The following MEIKIN variants were observed in gnomAD, a reference collection of about 807,000 sequenced individuals.
MEIKIN encodes the protein meiotic kinetochore factor.
chr5:131,932,997 G>A (rs971175172), intron 5 of MEIKIN, among the ~76,000 whole-genome samples: 8 of 152,008 alleles, frequency 5.3e-5, no homozygotes, highest in African/African-American at 1.9e-4. Context: ...TTGTCCTTAT[G>A]AGCGTATTAC....
At chr5:131,931,665 T>C (rs1042375036) in intron 5 of MEIKIN, among the ~76,000 whole-genome samples, 2 of 152,192 alleles carry the variant, frequency 1.3e-5, no homozygotes, top group African/African-American at 2.4e-5. Context: ...CCTACTGGCT[T>C]TGATGTGGCT....
At chr5:131,887,501 G>A (rs919930071) in intron 8 of MEIKIN, among the ~76,000 whole-genome samples, 4 of 152,074 alleles carry the variant, frequency 2.6e-5, no homozygotes, top group Non-Finnish European at 5.9e-5. Flanking sequence ...AGCATCTGTT[G>A]TTTCCTGACT....
rs115520246 is a variant in MEIKIN, at chr5:131,822,470, T to C, written c.976-3607A>G. On this transcript the variant is annotated intron_variant, in intron 11 of 12. Coordinates refer to ENST00000442687, the MANE Select transcript of MEIKIN (RefSeq NM_001303622.2). Reference sequence around the variant, plus strand: ...TTTTTGTGTATCTGTTGTATATTTTTTGATTTGAGGTTACCATGAGGCTTG... The same window carrying C: ...TTTTTGTGTATCTGTTGTATATTTTCTGATTTGAGGTTACCATGAGGCTTG... Among the ~76,000 whole-genome samples the C allele has an allele frequency of 5.7e-3, 865 of 152,322 alleles. 6 individuals are homozygous for C. Among genetic ancestry groups the C allele is most frequent in the Non-Finnish European group, 8.9e-3 (605 of 68,026 alleles).
intron 9 of MEIKIN, among the ~76,000 whole-genome samples, chr5:131,856,228 G>A (rs1347835703): frequency 1.3e-5 from 2 of 152,174 alleles, no homozygotes; most frequent in Non-Finnish European, 2.9e-5. Context: ...GGACTGTGAT[G>A]CAAGGGTTAC....
intron 9 of MEIKIN, among the ~76,000 whole-genome samples, chr5:131,860,185 G>A (rs1037773138): frequency 2.6e-5 from 4 of 151,808 alleles, no homozygotes; most frequent in African/African-American, 9.7e-5. Context: ...TGATCCATGA[G>A]CATGAGATGT....
intron 8 of MEIKIN, among the ~76,000 whole-genome samples, chr5:131,898,356 C>CT: frequency 6.6e-6 from 1 of 152,226 alleles, no homozygotes; most frequent in African/African-American, 2.4e-5. Flanking sequence ...TAGAAGGTGT[C>CT]TCCCAGTTAG....
chr5:131,919,328 T>C (rs551262723), intron 6 of MEIKIN, among the ~76,000 whole-genome samples: 2 of 152,282 alleles, frequency 1.3e-5, no homozygotes, highest in South Asian at 4.1e-4. Flanking sequence ...CAATATCCAA[T>C]AAAATGATAT....
intron 5 of MEIKIN, among the ~76,000 whole-genome samples, chr5:131,929,210 T>G (rs1360075276): frequency 6.6e-6 from 1 of 152,250 alleles, no homozygotes; most frequent in Non-Finnish European, 1.5e-5. Flanking sequence ...CACTTTTTAC[T>G]TGCTGCTTTC....
intron 11 of MEIKIN, among the ~76,000 whole-genome samples, chr5:131,847,215 T>C (rs995671610): frequency 1.3e-5 from 2 of 152,148 alleles, no homozygotes; most frequent in African/African-American, 4.8e-5. Flanking sequence ...TATCAGTAAG[T>C]ATTTTAAATA....
chr5:131,828,430 C>T (rs1749651932), intron 11 of MEIKIN, among the ~76,000 whole-genome samples: 1 of 152,110 alleles, frequency 6.6e-6, no homozygotes, highest in Non-Finnish European at 1.5e-5. Flanking sequence ...TCCCAAAGTG[C>T]TGGGATTACA....
At chr5:131,839,880 A>G (rs977784584) in intron 11 of MEIKIN, among the ~76,000 whole-genome samples, 7 of 152,134 alleles carry the variant, frequency 4.6e-5, no homozygotes, top group Non-Finnish European at 5.9e-5. Flanking sequence ...TATGGATTTG[A>G]TCCTGTCATC....
intron 9 of MEIKIN, among the ~76,000 whole-genome samples, chr5:131,869,587 C>CA (rs965047211): frequency 1.9e-4 from 29 of 152,096 alleles, no homozygotes; most frequent in African/African-American, 6.8e-4. Flanking sequence ...AAAACAAAAA[C>CA]AAAAAAACCC....
intron 11 of MEIKIN, among the ~76,000 whole-genome samples, chr5:131,846,947 G>A (rs901176018): frequency 3.9e-5 from 6 of 152,152 alleles, no homozygotes; most frequent in African/African-American, 1.4e-4. Flanking sequence ...ATTCTAATTA[G>A]AGTATCATAA....
At chr5:131,863,316 T>C (rs1463339146) in intron 9 of MEIKIN, among the ~76,000 whole-genome samples, 1 of 152,176 alleles carries the variant, frequency 6.6e-6, no homozygotes, top group Non-Finnish European at 1.5e-5. Context: ...CCATTTGGTC[T>C]AAAGTCCAGT....
intron 5 of MEIKIN, among the ~76,000 whole-genome samples, chr5:131,930,367 C>T (rs1219359065): frequency 2.0e-5 from 3 of 152,070 alleles, no homozygotes; most frequent in Non-Finnish European, 4.4e-5. Flanking sequence ...ATTTAAATTT[C>T]TTATAGATTC....
chr5:131,889,048 C>G (rs751067206), intron 8 of MEIKIN, among the ~76,000 whole-genome samples: 89 of 152,220 alleles, frequency 5.8e-4, no homozygotes, highest in Non-Finnish European at 4.1e-4. Context: ...TCTGAGGGCT[C>G]TGTTCTGTTC....
rs55801827 is a variant in MEIKIN, at chr5:131,858,687, G to A, written c.775-3853C>T. Among the ~76,000 whole-genome samples, 976 of 152,230 alleles carry A rather than the reference G, an allele frequency of 6.4e-3. 8 individuals carry two copies. Among genetic ancestry groups the A allele is most frequent in the African/African-American group, 0.022 (910 of 41,538 alleles). On this transcript the variant is annotated intron_variant, in intron 9 of 12. Transcript: ENST00000442687. ...GAAAATATTTGCAAACTATGCATCC[G>A]ACAAAGGTCTGATATCCAGGATATA...
intron 12 of MEIKIN, among the ~76,000 whole-genome samples, chr5:131,818,482 C>T (rs189270199): frequency 6.6e-6 from 1 of 151,784 alleles, no homozygotes; most frequent in African/African-American, 2.4e-5. Flanking sequence ...GTGCAGTGAC[C>T]TGATGATAGC....
intron 8 of MEIKIN, among the ~76,000 whole-genome samples, chr5:131,880,627 C>A (rs1039872813): frequency 2.6e-5 from 4 of 152,174 alleles, no homozygotes; most frequent in African/African-American, 9.7e-5. Context: ...TTCAATTCAC[C>A]TCCCTCTGCA....
Sources: allele counts gnomAD v4.1 joint callset (sites outside exome capture counted in the v4.1 genomes callset), GRCh38; gene constraint gnomAD v4.1.1; transcripts MANE v1.5; gene names NCBI Gene and HGNC (gene_info 2026-07-23, HGNC 2026-07-21).